The following MYLK variants were observed in gnomAD, a reference collection of about 807,000 sequenced individuals.
MYLK encodes the protein myosin light chain kinase.
A neutral mutation model predicts 203.4 loss-of-function variants in MYLK; 106 were observed. That is an observed-to-expected ratio of 0.52 (90% confidence interval 0.45 to 0.61). The LOEUF is 0.61. Among genes scored for constraint, MYLK ranks in the 20% least tolerant of loss-of-function variants. The probability of loss-of-function intolerance (pLI) is 0.00; values close to 1 mark genes in which losing one functional copy is unlikely to be tolerated. For synonymous variants in MYLK, 867 were observed against 959.5 expected (o/e 0.90, Z 1.78); for missense variants, 2,072 against 2,442.3 (o/e 0.85, Z 3.20).
chr3:123,841,283 A>G (rs1456684089), intron 2 of MYLK, among the ~76,000 whole-genome samples: 1 of 152,140 alleles, frequency 6.6e-6, no homozygotes, highest in Non-Finnish European at 1.5e-5. Context: ...CTAGTGCTAT[A>G]AAATAGTAGA....
chr3:123,778,302 G>A (rs1479320114), intron 4 of MYLK, among the ~76,000 whole-genome samples: 1 of 151,976 alleles, frequency 6.6e-6, no homozygotes, highest in Admixed American at 6.6e-5. Context: ...GGTGATAATG[G>A]GGAGATAATG....
intron 4 of MYLK, among the ~76,000 whole-genome samples, chr3:123,767,650 A>G (rs1188242443): frequency 6.6e-6 from 1 of 152,202 alleles, no homozygotes; most frequent in Non-Finnish European, 1.5e-5. Flanking sequence ...CTGGTGCCAG[A>G]GCTGCCCTAA....
At position 123,635,936 on chromosome 3, in the gene MYLK, T is replaced by C. The variant is rs150848815; in HGVS notation, c.4961+2135A>G. On this transcript the variant is annotated intron_variant, in intron 29 of 33. Coordinates refer to ENST00000360304, the MANE Select transcript of MYLK (RefSeq NM_053025.4). Reference sequence around the variant, plus strand: ...ATAAACAGTCTACAATGACACATAGTACTATGAATGAGTCTCACAAACGAT... The same window carrying C: ...ATAAACAGTCTACAATGACACATAGCACTATGAATGAGTCTCACAAACGAT... 6.3e-3 allele frequency among the ~76,000 whole-genome samples: 953 copies of C among 152,276 alleles called. 34 individuals are homozygous for C. Among genetic ancestry groups the C allele is most frequent in the Admixed American group, 0.057 (869 of 15,288 alleles).
intron 2 of MYLK, among the ~76,000 whole-genome samples, chr3:123,853,499 A>C (rs541404277): frequency 5.9e-5 from 9 of 152,230 alleles, no homozygotes; most frequent in Admixed American, 5.9e-4. Context: ...GGGAATTTTG[A>C]TTTGTTACAG....
At chr3:123,838,164 C>T (rs1441559042) in intron 2 of MYLK, among the ~76,000 whole-genome samples, 1 of 151,972 alleles carries the variant, frequency 6.6e-6, no homozygotes, top group East Asian at 1.9e-4. Context: ...GGGAAAGAAA[C>T]AATCTTAAAG....
chr3:123,760,732 A>C (rs2063508811), intron 4 of MYLK, among the ~76,000 whole-genome samples: 1 of 152,188 alleles, frequency 6.6e-6, no homozygotes, highest in Admixed American at 6.5e-5. Context: ...GACAACTTCA[A>C]GGCATCACAC....
At chr3:123,751,664 A>G (rs762895844) in intron 5 of MYLK, among the ~76,000 whole-genome samples, 7 of 152,224 alleles carry the variant, frequency 4.6e-5, no homozygotes, top group Non-Finnish European at 1.0e-4. Flanking sequence ...ATGAGCAGAG[A>G]AAGTCCATCT....
intron 31 of MYLK, among the ~76,000 whole-genome samples, chr3:123,625,633 C>G (rs1038749989): frequency 5.9e-5 from 9 of 151,686 alleles, no homozygotes; most frequent in African/African-American, 2.2e-4. Flanking sequence ...ACGGTGAAAC[C>G]CTGTCTCCAC....
intron 23 of MYLK, among the ~76,000 whole-genome samples, chr3:123,658,114 T>A (rs915425593): frequency 6.6e-6 from 1 of 152,276 alleles, no homozygotes; most frequent in Non-Finnish European, 1.5e-5. Flanking sequence ...TAGTCATTAC[T>A]ATCAAGATTA....
chr3:123,843,077 G>C lies in MYLK; in HGVS notation c.-126-11407C>G, dbSNP rs529375765. On this transcript the variant is annotated intron_variant, in intron 2 of 33. Transcript: ENST00000360304. ...ATACAGCTTATCAGGCAGGGACCTAGAACCAGAAGGAGTAACAGACTCAAC... is the reference window on the plus strand; with the variant it reads ...ATACAGCTTATCAGGCAGGGACCTACAACCAGAAGGAGTAACAGACTCAAC... Among the ~76,000 whole-genome samples, 6 of 152,268 alleles carry C rather than the reference G, an allele frequency of 3.9e-5. No homozygotes were observed. In the South Asian group the frequency reaches 1.2e-3, roughly 32 times the overall value.
At chr3:123,724,013 C>G (rs537115970) in intron 12 of MYLK, among the ~76,000 whole-genome samples, 154 of 152,162 alleles carry the variant, frequency 1.0e-3, no homozygotes, top group African/African-American at 3.6e-3. Flanking sequence ...TAGCCACACT[C>G]GTTCTTTCAC....
chr3:123,854,907 A>T (rs997194148), intron 2 of MYLK, among the ~76,000 whole-genome samples: 5 of 151,960 alleles, frequency 3.3e-5, no homozygotes, highest in African/African-American at 1.2e-4. Context: ...CAGAAAAGTT[A>T]CTCCTCTGTC....
intron 2 of MYLK, among the ~76,000 whole-genome samples, chr3:123,851,780 T>C (rs1356051993): frequency 2.6e-5 from 4 of 152,062 alleles, no homozygotes; most frequent in South Asian, 4.2e-4. Context: ...TCCAACACTA[T>C]CTTGAATAGG....
chr3:123,852,856 G>A (rs1292093421), intron 2 of MYLK, among the ~76,000 whole-genome samples: 1 of 152,090 alleles, frequency 6.6e-6, no homozygotes, highest in Non-Finnish European at 1.5e-5. Context: ...GAATTTAGAT[G>A]GAATATAGAA....
At chr3:123,828,430 C>T (rs75176552) in intron 3 of MYLK, among the ~76,000 whole-genome samples, 4 of 152,124 alleles carry the variant, frequency 2.6e-5, no homozygotes, top group South Asian at 2.1e-4. Flanking sequence ...GACCCCCCAC[C>T]GCTCATCCTA....
At chr3:123,677,513 G>A (rs1299642286) in intron 20 of MYLK, among the ~76,000 whole-genome samples, 1 of 152,136 alleles carries the variant, frequency 6.6e-6, no homozygotes, top group African/African-American at 2.4e-5. Flanking sequence ...TTAGGTGGAA[G>A]AGTGTGGGGT....
chr3:123,697,693 A>C (rs2060988984), intron 18 of MYLK, among the ~76,000 whole-genome samples: 1 of 152,234 alleles, frequency 6.6e-6, no homozygotes. Context: ...AAGAGGCCTA[A>C]GATAGTGTCT....
intron 29 of MYLK, chr3:123,630,857 A>G (rs2058386185): frequency 6.6e-6 from 1 of 152,008 alleles, no homozygotes; most frequent in African/African-American, 2.4e-5. Context: ...CTTACCTCTC[A>G]CCTCTGTGCA....
intron 11 of MYLK, 83 bp from the exon 12 acceptor site, chr3:123,726,161 C>T (rs1474872040): frequency 8.3e-6 from 13 of 1,574,906 alleles, no homozygotes; most frequent in Admixed American, 1.8e-5. Flanking sequence ...CTCCCAGGCA[C>T]GCCTCACTGT....
Sources: allele counts gnomAD v4.1 joint callset (sites outside exome capture counted in the v4.1 genomes callset), GRCh38; gene constraint gnomAD v4.1.1; transcripts MANE v1.5; gene names NCBI Gene and HGNC (gene_info 2026-07-23, HGNC 2026-07-21).